The following WFDC1 variants were observed in gnomAD, a reference collection of about 807,000 sequenced individuals.
WFDC1 encodes the protein WAP four-disulfide core domain protein 1.
Under a neutral mutation model 32.9 loss-of-function variants are expected in WFDC1, and 39 were observed. That is an observed-to-expected ratio of 1.19 (90% CI 0.92 to 1.55). The LOEUF is 1.55. Ranked by LOEUF, WFDC1 falls within the 40% of genes most tolerant of loss-of-function variation. The pLI is 0.00. For missense variants in WFDC1, 386 were observed against 309.5 expected (o/e 1.25, Z -1.85); for synonymous variants, 184 against 137.4 (o/e 1.34, Z -2.37).
At chr16:84,296,446 T>A (rs778148362) in intron 1 of WFDC1, among the ~76,000 whole-genome samples, 1 of 152,188 alleles carries the variant, frequency 6.6e-6, no homozygotes, top group African/African-American at 2.4e-5. Flanking sequence ...TGTGCAGCTC[T>A]TCCCCAGGAG....
intron 3 of WFDC1, 131 bp from the exon 4 acceptor site, chr16:84,319,300 A>G (rs1266525759): frequency 1.6e-5 from 21 of 1,304,148 alleles, no homozygotes; most frequent in Non-Finnish European, 2.2e-5. Flanking sequence ...CCTGGGGTAC[A>G]GAGGCGAGGC....
intron 5 of WFDC1, among the ~76,000 whole-genome samples, chr16:84,324,852 C>A (rs1000024918): frequency 6.6e-6 from 1 of 151,918 alleles, no homozygotes; most frequent in South Asian, 2.1e-4. Context: ...ACCCATCCAT[C>A]TACCCACCAT....
intron 2 of WFDC1, among the ~76,000 whole-genome samples, chr16:84,314,811 C>T (rs911920973): frequency 6.6e-6 from 1 of 152,194 alleles, no homozygotes; most frequent in African/African-American, 2.4e-5. Flanking sequence ...AAAAATGGTG[C>T]CCCTTCCTCT....
chr16:84,313,427 C>T (rs959361856), intron 2 of WFDC1, among the ~76,000 whole-genome samples: 7 of 152,174 alleles, frequency 4.6e-5, no homozygotes, highest in African/African-American at 1.7e-4. Flanking sequence ...GGGATGGGGG[C>T]AGGGACCCTA....
intron 2 of WFDC1, 47 bp from the exon 3 acceptor site, chr16:84,318,225 T>C: frequency 1.2e-6 from 2 of 1,601,902 alleles, no homozygotes; most frequent in Non-Finnish European, 8.6e-7. Flanking sequence ...CCTGGGCGTT[T>C]CTCAGCTGCT....
rs1597654158 is a variant in WFDC1, at chr16:84,294,894, T to A, written c.-78T>A. On this transcript the variant is annotated 5_prime_UTR_variant, in exon 1 of 7. Transcript: ENST00000219454. ...AAGTCCAGCAGACTGTGCACGCTCC[T>A]GTCCCCACTCACAGGCCCACGCAGC... The A allele has an allele frequency of 4.5e-6, 7 of 1,558,194 alleles. No individual in the cohort carries two copies. The East Asian group carries it at 1.6e-4, about 35-fold the overall frequency.
intron 1 of WFDC1, 41 bp downstream of exon 1, chr16:84,295,156 G>A (rs753530534): frequency 2.6e-5 from 41 of 1,605,244 alleles, no homozygotes; most frequent in South Asian, 3.4e-5. Context: ...GCCTGTGTGG[G>A]TGGGAGTCAG....
At chr16:84,297,635 A>AAAAAC (rs1263607880) in intron 1 of WFDC1, among the ~76,000 whole-genome samples, 1 of 148,600 alleles carries the variant, frequency 6.7e-6, no homozygotes, top group East Asian at 1.9e-4. Flanking sequence ...AAAAAAAAAA[A>AAAAAC]AAAAAAAAAA....
intron 5 of WFDC1, chr16:84,326,077 A>T (rs1375010609): frequency 7.6e-6 from 1 of 131,580 alleles, no homozygotes; most frequent in Non-Finnish European, 1.6e-5. Flanking sequence ...ATCCATCCAT[A>T]TATCCATCCG....
intron 1 of WFDC1, among the ~76,000 whole-genome samples, chr16:84,307,443 C>T (rs374816068): frequency 1.3e-5 from 2 of 152,288 alleles, no homozygotes; most frequent in East Asian, 3.9e-4. Context: ...GTAAATAACT[C>T]GGGAGATGTG....
At chr16:84,303,518 T>A (rs1907070232) in intron 1 of WFDC1, among the ~76,000 whole-genome samples, 2 of 151,906 alleles carry the variant, frequency 1.3e-5, no homozygotes, top group Non-Finnish European at 2.9e-5. Context: ...AAGTTATAAA[T>A]TAGTAGAAAT....
rs573317241 is a variant in WFDC1, at chr16:84,315,107, T to C, written c.337+1954T>C. Among the ~76,000 whole-genome samples, 7 of 152,326 alleles carry C rather than the reference T, an allele frequency of 4.6e-5. No homozygotes were observed. The East Asian group carries it at 1.4e-3, about 29-fold the overall frequency. ...AGTGTTCATTGCCTTAGGCCGTGAG[T>C]GTGGGAATGTGGAGCCCCTGCCCTG... On this transcript the variant is annotated intron_variant, in intron 2 of 6. Coordinates refer to ENST00000219454, the MANE Select transcript of WFDC1 (RefSeq NM_021197.4).
intron 1 of WFDC1, among the ~76,000 whole-genome samples, chr16:84,307,132 A>G (rs991606431): frequency 6.6e-6 from 1 of 152,080 alleles, no homozygotes; most frequent in Non-Finnish European, 1.5e-5. Context: ...GTGCTGGAAG[A>G]GAGGTCAGAG....
At chr16:84,317,326 AAATAAAT>A (rs1908018107) in intron 2 of WFDC1, 1 of 141,784 alleles carries the variant, frequency 7.1e-6, no homozygotes, top group Non-Finnish European at 1.5e-5. Flanking sequence ...ATAAATAAAT[AAATAAAT>A]AAATAAGAAG....
At chr16:84,307,031 C>A (rs549002107) in intron 1 of WFDC1, among the ~76,000 whole-genome samples, 1 of 152,142 alleles carries the variant, frequency 6.6e-6, no homozygotes, top group African/African-American at 2.4e-5. Flanking sequence ...TAGGTGAGAG[C>A]CGGGCAGATA....
In WFDC1 at chr16:84,313,011, C is replaced by G; in HGVS notation, c.195C>G (p.Arg65=). Reference sequence around the variant, plus strand: ...GCCCCCGGCAGCCCCGAGCAGACCGCTGCCCGCCGCCTCCGCGGACGCTGC... The same window carrying G: ...GCCCCCGGCAGCCCCGAGCAGACCGGTGCCCGCCGCCTCCGCGGACGCTGC... ...PGGPRQPRAD[R]CPPPPRTLPP... The change falls in exon 2 of 7, where the codon CGC becomes CGG. Residue 65 remains arginine (R), a synonymous_variant. Transcript: ENST00000219454. The G allele has an allele frequency of 7.8e-7, 1 of 1,286,220 alleles. No homozygotes were observed. Among genetic ancestry groups the G allele is most frequent in the Non-Finnish European group, 9.8e-7 (1 of 1,018,468 alleles). 79.7% of individuals were successfully genotyped at this position (1,286,220 alleles called of 1,614,324 possible).
intron 1 of WFDC1, among the ~76,000 whole-genome samples, 200 bp from the exon 2 acceptor site, chr16:84,312,761 G>A (rs1038414468): frequency 2.0e-5 from 3 of 152,072 alleles, no homozygotes; most frequent in South Asian, 2.1e-4. Flanking sequence ...ATTTCGTGCC[G>A]ACTGTTATAA....
At chr16:84,309,154 G>A (rs1413194217) in intron 1 of WFDC1, among the ~76,000 whole-genome samples, 2 of 152,216 alleles carry the variant, frequency 1.3e-5, no homozygotes, top group Non-Finnish European at 2.9e-5. Flanking sequence ...GGTTTGAAGA[G>A]ATGAATGTGC....
chr16:84,322,160 CGTGTGTGTGT>C (rs10687228), intron 4 of WFDC1, among the ~76,000 whole-genome samples: 2 of 142,186 alleles, frequency 1.4e-5, no homozygotes, highest in African/African-American at 5.2e-5. Flanking sequence ...TGTGTGTGTG[CGTGTGTGTGT>C]GTGTGTGTGT....
Sources: gnomAD v4.1 joint callset for allele counts (sites outside exome capture counted in the v4.1 genomes callset) on GRCh38, gnomAD v4.1.1 for gene constraint, MANE v1.5 for transcripts, NCBI Gene and HGNC (gene_info 2026-07-23, HGNC 2026-07-21) for gene names.